The following SGCZ variants were observed in gnomAD, a reference collection of about 807,000 sequenced individuals.
SGCZ encodes zeta-sarcoglycan.
In SGCZ, 40 loss-of-function variants were observed where a neutral mutation model predicts 41.3. The observed-to-expected ratio is 0.97, with a 90% confidence interval of 0.75 to 1.26. SGCZ has a LOEUF of 1.26. SGCZ is among the 50% of genes most tolerant of loss of function. SGCZ has a pLI of 0.00. For synonymous variants in SGCZ, 206 were observed against 137.5 expected, an observed-to-expected ratio of 1.50 and a Z score of -3.49; for missense variants, 552 against 369.8, an observed-to-expected ratio of 1.49 and a Z score of -4.04.
At chr8:15,031,831 C>A (rs551130259) in intron 1 of SGCZ, among the ~76,000 whole-genome samples, 1 of 151,598 alleles carries the variant, frequency 6.6e-6, no homozygotes, top group Non-Finnish European at 1.5e-5. Context: ...AGCATCTCTA[C>A]GTTGCAGTCG....
chr8:14,335,782 C>A (rs1802485258), intron 2 of SGCZ, among the ~76,000 whole-genome samples: 1 of 152,058 alleles, frequency 6.6e-6, no homozygotes, highest in Non-Finnish European at 1.5e-5. Context: ...AACAGTCTTC[C>A]CAGAGCTTGT....
intron 1 of SGCZ, among the ~76,000 whole-genome samples, chr8:14,572,717 CAATT>C (rs1389335562): frequency 2.0e-5 from 3 of 152,124 alleles, no homozygotes; most frequent in African/African-American, 4.8e-5. Context: ...CTGTACCACT[CAATT>C]AAAGTATCAC....
chr8:14,459,051 G>T (rs1800827305), intron 2 of SGCZ, among the ~76,000 whole-genome samples: 1 of 152,260 alleles, frequency 6.6e-6, no homozygotes, highest in Non-Finnish European at 1.5e-5. Context: ...GACAGTATTG[G>T]ATTATAACTC....
At chr8:15,092,888 AC>A (rs1806203869) in intron 1 of SGCZ, among the ~76,000 whole-genome samples, 1 of 152,216 alleles carries the variant, frequency 6.6e-6, no homozygotes, top group South Asian at 2.1e-4. Flanking sequence ...ATTTGCTAAT[AC>A]TACTAACAGG....
chr8:14,428,561 C>G (rs980146898), intron 2 of SGCZ, among the ~76,000 whole-genome samples: 3 of 152,136 alleles, frequency 2.0e-5, no homozygotes, highest in African/African-American at 7.2e-5. Flanking sequence ...TATCATTCAA[C>G]ATTTTATTTA....
chr8:15,174,651 T>C (rs1280590816), intron 1 of SGCZ, among the ~76,000 whole-genome samples: 1 of 152,162 alleles, frequency 6.6e-6, no homozygotes, highest in Non-Finnish European at 1.5e-5. Flanking sequence ...TTACAACCCT[T>C]CCCTAACATT....
chr8:14,324,327 A>G (rs999152086), intron 2 of SGCZ, 123 bp from the exon 3 acceptor site: 2 of 714,418 alleles, frequency 2.8e-6, no homozygotes, highest in Non-Finnish European at 4.9e-6. Flanking sequence ...AAGGAAAATG[A>G]GAGATTGAAT....
intron 1 of SGCZ, among the ~76,000 whole-genome samples, chr8:14,988,542 G>A (rs1801903244): frequency 6.6e-6 from 1 of 151,662 alleles, no homozygotes; most frequent in Non-Finnish European, 1.5e-5. Context: ...TTTACTATAA[G>A]GTAGAAATGA....
At chr8:14,881,706 G>T (rs912329040) in intron 1 of SGCZ, among the ~76,000 whole-genome samples, 2 of 152,012 alleles carry the variant, frequency 1.3e-5, no homozygotes, top group African/African-American at 2.4e-5. Flanking sequence ...TTCAGGACCT[G>T]AACTCAGCTC....
chr8:14,690,093 G>A (rs1383776327), intron 1 of SGCZ, among the ~76,000 whole-genome samples: 2 of 149,682 alleles, frequency 1.3e-5, no homozygotes, highest in African/African-American at 2.4e-5. Context: ...ATATTTCTAA[G>A]TAAATTGTGA....
At chr8:14,223,658 C>T (rs893076563) in intron 4 of SGCZ, among the ~76,000 whole-genome samples, 2 of 152,116 alleles carry the variant, frequency 1.3e-5, no homozygotes, top group Non-Finnish European at 2.9e-5. Flanking sequence ...TTTAATGCTG[C>T]TTAGCACCCA....
intron 5 of SGCZ, among the ~76,000 whole-genome samples, chr8:14,140,947 C>A (rs1359850986): frequency 2.6e-5 from 4 of 152,176 alleles, no homozygotes; most frequent in African/African-American, 9.6e-5. Flanking sequence ...GTAACCAAAG[C>A]AGCATGTTAC....
chr8:14,587,227 C>G (rs1296884630), intron 1 of SGCZ, among the ~76,000 whole-genome samples: 1 of 151,690 alleles, frequency 6.6e-6, no homozygotes, highest in African/African-American at 2.4e-5. Flanking sequence ...AAAGTTTCAA[C>G]CAAACTTCTA....
chr8:14,746,314 C>A (rs1158399465), intron 1 of SGCZ, among the ~76,000 whole-genome samples: 1 of 152,120 alleles, frequency 6.6e-6, no homozygotes, highest in African/African-American at 2.4e-5. Context: ...AAGTTTCACA[C>A]ATTTTCTTAA....
intron 2 of SGCZ, among the ~76,000 whole-genome samples, chr8:14,433,158 C>A (rs1179191640): frequency 6.6e-6 from 1 of 151,978 alleles, no homozygotes; most frequent in Non-Finnish European, 1.5e-5. Context: ...AATTAGTATG[C>A]AACAAAAATA....
chr8:14,124,473 T>C lies in SGCZ; in HGVS notation c.548-16238A>G, dbSNP rs577169553. On this transcript the variant is annotated intron_variant, in intron 5 of 7. Transcript: ENST00000382080. ...TTCCTTTTGAAGACAATGGTCAGCT[T>C]GATTAATTAATATACAGTTGACTTA... Among the ~76,000 whole-genome samples the C allele has an allele frequency of 1.1e-4, 17 of 152,324 alleles. No homozygotes were observed. In the East Asian group the frequency reaches 3.1e-3, roughly 28 times the overall value.
Position 14,085,578 on chromosome 8 carries a change from G to A in SGCZ, c.*4865C>T, listed in dbSNP as rs945264758. ...TTAACAATTAAAAAATAGCCCTCTGGTTCTACAAGTATTTCAAATTTTATT... is the reference window on the plus strand; with the variant it reads ...TTAACAATTAAAAAATAGCCCTCTGATTCTACAAGTATTTCAAATTTTATT... On this transcript the variant is annotated 3_prime_UTR_variant, in exon 8 of 8. Coordinates refer to ENST00000382080, the MANE Select transcript of SGCZ (RefSeq NM_139167.4). Among the ~76,000 whole-genome samples, 1 of 151,660 alleles carries A rather than the reference G, an allele frequency of 6.6e-6. No homozygotes were observed. The highest frequency in any genetic ancestry group is 1.9e-4 in the East Asian group (1 of 5,156).
intron 1 of SGCZ, among the ~76,000 whole-genome samples, chr8:14,849,248 T>C (rs1803235068): frequency 6.6e-6 from 1 of 152,148 alleles, no homozygotes; most frequent in Admixed American, 6.6e-5. Context: ...AAGAAATCTT[T>C]TTTAAAAAGA....
At chr8:14,925,363 A>G (rs1484941991) in intron 1 of SGCZ, among the ~76,000 whole-genome samples, 1 of 152,156 alleles carries the variant, frequency 6.6e-6, no homozygotes, top group Non-Finnish European at 1.5e-5. Context: ...ATTGCATTGT[A>G]CTCACAGCAT....
Sources: allele counts gnomAD v4.1 joint callset (sites outside exome capture counted in the v4.1 genomes callset), GRCh38; gene constraint gnomAD v4.1.1; transcripts MANE v1.5; gene names NCBI Gene and HGNC (gene_info 2026-07-23, HGNC 2026-07-21).